The following MYO1B variants were observed in gnomAD, a reference collection of about 807,000 sequenced individuals.
MYO1B encodes the protein myosin IB.
A neutral mutation model predicts 159.7 loss-of-function variants in MYO1B; 72 were observed. The observed-to-expected ratio is 0.45, with a 90% CI of 0.37 to 0.55. The LOEUF (loss-of-function observed/expected upper bound fraction) is 0.55. Among genes scored for constraint, MYO1B ranks in the 20% least tolerant of loss-of-function variants. The pLI, the probability that MYO1B is intolerant of heterozygous loss-of-function variation, is 0.00. For synonymous variants in MYO1B, 468 were observed against 473.8 expected (o/e 0.99, Z 0.16); for missense variants, 1,062 against 1,364.8 (o/e 0.78, Z 3.50).
intron 30 of MYO1B, 66 bp from the exon 31 acceptor site, chr2:191,423,771 G>A (rs7607560): frequency 0.029 from 44,949 of 1,523,834 alleles, 1,288 homozygotes; most frequent in African/African-American, 0.13. Context: ...AAATACAAAA[G>A]CAAGTGTTAT....
Position 191,417,052 on chromosome 2 carries a change from CT to C in MYO1B, c.3287+812del, listed in dbSNP as rs200992769. 6.6e-3 allele frequency among the ~76,000 whole-genome samples: 1,005 copies of C among 152,298 alleles called. 16 individuals are homozygous for C. The highest frequency in any genetic ancestry group is 7.9e-3 in the South Asian group (38 of 4,832). ...TACCTTTCAATAGATTGTTTACCTG[CT>C]TATATACTTCTTTGCATGTCTAGAT... is the stretch of plus-strand genomic sequence containing the variant. On this transcript the variant is annotated intron_variant, in intron 30 of 30. Coordinates refer to ENST00000392318, the MANE Select transcript of MYO1B (RefSeq NM_001130158.3).
chr2:191,366,460 G>A (rs1694017712), intron 11 of MYO1B, among the ~76,000 whole-genome samples: 2 of 151,814 alleles, frequency 1.3e-5, no homozygotes, highest in African/African-American at 4.8e-5. Context: ...TTTGATTGCT[G>A]TGAGAAGTGA....
At chr2:191,350,819 C>CA (rs60858164) in intron 7 of MYO1B, among the ~76,000 whole-genome samples, 46,627 of 148,496 alleles carry the variant, frequency 0.31, 7,748 homozygotes, top group South Asian at 0.47. Context: ...AAAAAAAAAA[C>CA]AAAAAAAACA....
intron 20 of MYO1B, 33 bp downstream of exon 20, chr2:191,393,255 A>G: frequency 6.2e-7 from 1 of 1,606,980 alleles, no homozygotes; most frequent in Middle Eastern, 1.7e-4. Context: ...ATCAGTAATA[A>G]CAATGCTAAT....
intron 3 of MYO1B, among the ~76,000 whole-genome samples, chr2:191,313,214 TTTTTTTTTTTTTTG>T: frequency 2.4e-5 from 3 of 126,134 alleles, no homozygotes; most frequent in African/African-American, 6.0e-5. Flanking sequence ...TTTTTTTTTT[TTTTTTTTTTTTTTG>T]AGACGGAGTT....
At chr2:191,294,584 A>G (rs1688870187) in intron 2 of MYO1B, among the ~76,000 whole-genome samples, 1 of 152,204 alleles carries the variant, frequency 6.6e-6, no homozygotes. Flanking sequence ...GGTGGGTTGC[A>G]GTGTGAGGAC....
chr2:191,288,814 G>A (rs549223511), intron 2 of MYO1B, among the ~76,000 whole-genome samples: 1 of 152,284 alleles, frequency 6.6e-6, no homozygotes, highest in East Asian at 1.9e-4. Context: ...TGGTGCAAAA[G>A]CAATTGTGAT....
At chr2:191,402,832 A>C in intron 24 of MYO1B, 114 bp downstream of exon 24, 6 of 727,452 alleles carry the variant, frequency 8.2e-6, no homozygotes, top group South Asian at 5.6e-5. Flanking sequence ...GTCTTGTAGA[A>C]TGTCATCTTG....
intron 1 of MYO1B, among the ~76,000 whole-genome samples, chr2:191,266,791 A>C (rs1687167827): frequency 6.6e-6 from 1 of 151,642 alleles, no homozygotes. Context: ...CTGGTAATCC[A>C]AAACCTTCCA....
chr2:191,321,473 A>G (rs28524903), intron 3 of MYO1B, among the ~76,000 whole-genome samples: 3,434 of 152,302 alleles, frequency 0.023, 118 homozygotes, highest in African/African-American at 0.077. Context: ...AATTCTTTTA[A>G]AAAGAGTTGG....
chr2:191,266,314 A>C (rs16833558), intron 1 of MYO1B, among the ~76,000 whole-genome samples: 5,984 of 152,286 alleles, frequency 0.039, 398 homozygotes, highest in African/African-American at 0.14. Context: ...GTCAGGCTAC[A>C]TAACAGCCCT....
chr2:191,398,395 A>G (rs1161944733), intron 21 of MYO1B, among the ~76,000 whole-genome samples: 1 of 103,762 alleles, frequency 9.6e-6, no homozygotes, highest in African/African-American at 3.1e-5. Context: ...CACCTCCCGG[A>G]CGGGGCGGCT....
intron 7 of MYO1B, among the ~76,000 whole-genome samples, chr2:191,351,461 T>A (rs1376906974): frequency 1.3e-5 from 2 of 151,094 alleles, no homozygotes; most frequent in South Asian, 2.1e-4. Flanking sequence ...GCAGCTGATT[T>A]AAAAAAAAAA....
intron 3 of MYO1B, among the ~76,000 whole-genome samples, chr2:191,314,006 G>T (rs1690192458): frequency 6.6e-6 from 1 of 152,198 alleles, no homozygotes; most frequent in Non-Finnish European, 1.5e-5. Context: ...TTGTCTGCTA[G>T]GATTATTTCA....
chr2:191,338,604 G>A (rs1251727912), intron 4 of MYO1B, among the ~76,000 whole-genome samples: 1 of 152,108 alleles, frequency 6.6e-6, no homozygotes, highest in Non-Finnish European at 1.5e-5. Flanking sequence ...ATCAATTCTA[G>A]TAGCCACCAA....
chr2:191,411,170 T>C lies in MYO1B; in HGVS notation c.2871T>C (p.Ser957=). Residue 957 remains serine, a splice_region_variant and synonymous_variant, in exon 27 of 31, where the codon TCT becomes TCC. Transcript: ENST00000392318. The part of the protein sequence containing the change: ...LFKDKKALYP[S]SVGQPFQGAY... ...AAGACAAGAAGGCTTTATACCCATCTAGGTATTATGGCTTTGCTTTACCCA... is the reference window on the plus strand; with the variant it reads ...AAGACAAGAAGGCTTTATACCCATCCAGGTATTATGGCTTTGCTTTACCCA... The C allele has an allele frequency of 1.3e-6, 2 of 1,567,086 alleles. No individual in the cohort carries two copies. Among genetic ancestry groups the C allele is most frequent in the Non-Finnish European group, 1.7e-6 (2 of 1,151,222 alleles).
At chr2:191,283,510 G>T (rs1292734910) in intron 2 of MYO1B, among the ~76,000 whole-genome samples, 6 of 152,160 alleles carry the variant, frequency 3.9e-5, no homozygotes, top group Non-Finnish European at 7.4e-5. Flanking sequence ...GGACATTTTT[G>T]ATTTCCTTAT....
At chr2:191,377,377 A>G (rs1485867722) in intron 13 of MYO1B, 1 of 152,204 alleles carries the variant, frequency 6.6e-6, no homozygotes, top group African/African-American at 2.4e-5. Context: ...TACTTGGAGC[A>G]TGGGTGGAAA....
At chr2:191,383,543 CACACATAT>C (rs759204668) in intron 15 of MYO1B, among the ~76,000 whole-genome samples, 10 of 108,750 alleles carry the variant, frequency 9.2e-5, no homozygotes, top group East Asian at 2.8e-4. Flanking sequence ...CACACACACA[CACACATAT>C]ATATATATGT....
Sources: gnomAD v4.1 joint callset for allele counts (sites outside exome capture counted in the v4.1 genomes callset) on GRCh38, gnomAD v4.1.1 for gene constraint, MANE v1.5 for transcripts, NCBI Gene and HGNC (gene_info 2026-07-23, HGNC 2026-07-21) for gene names.